UNC5D: variants seen among roughly 807,000 people sequenced by gnomAD.
UNC5D encodes netrin receptor UNC5D.
In UNC5D, 39 loss-of-function variants were observed where a neutral mutation model predicts 105.4. That is an observed-to-expected ratio of 0.37 (90% CI 0.29 to 0.48). The LOEUF is 0.48. Ranked by LOEUF, UNC5D falls within the 20% of genes least tolerant of loss-of-function variation. The pLI is 0.98. For missense variants in UNC5D, 991 were observed against 1,202.4 expected (o/e 0.82, Z 2.60); for synonymous variants, 452 against 450.4 (o/e 1.00, Z -0.04).
In UNC5D at chr8:35,452,543, C is replaced by CATGAGCCACTGCACCTGGCCCTATA. The variant is rs1808226502; in HGVS notation, c.104-96749_104-96748insATGAGCCACTGCACCTGGCCCTATA. 2.0e-5 allele frequency among the ~76,000 whole-genome samples: 3 copies of CATGAGCCACTGCACCTGGCCCTATA among 152,220 alleles called. No individual in the cohort carries two copies. In the East Asian group the frequency reaches 5.8e-4, roughly 30 times the overall value. On this transcript the variant is annotated intron_variant, in intron 1 of 16. Transcript: ENST00000404895. ...CCTCCCAAAGTGCTGGGATTACAGG[C>CATGAGCCACTGCACCTGGCCCTATA]GTGAGCCACCGTGCCCGGCCTAATA...
chr8:35,473,379 C>T (rs1218753770), intron 1 of UNC5D, among the ~76,000 whole-genome samples: 1 of 152,204 alleles, frequency 6.6e-6, no homozygotes, highest in African/African-American at 2.4e-5. Context: ...GCCATATCCA[C>T]AGCTTTAAGA....
intron 1 of UNC5D, among the ~76,000 whole-genome samples, chr8:35,540,734 A>C (rs1375510300): frequency 2.0e-5 from 3 of 151,694 alleles, no homozygotes; most frequent in Non-Finnish European, 4.4e-5. Flanking sequence ...CTTAGATCCA[A>C]TTTGAGAGGC....
chr8:35,649,397 A>G (rs1586335051), intron 4 of UNC5D, among the ~76,000 whole-genome samples: 2 of 152,178 alleles, frequency 1.3e-5, no homozygotes, highest in Non-Finnish European at 2.9e-5. Flanking sequence ...GGACTGTGAG[A>G]TAGCCTGGCT....
At chr8:35,420,190 C>T (rs1420396925) in intron 1 of UNC5D, among the ~76,000 whole-genome samples, 2 of 151,976 alleles carry the variant, frequency 1.3e-5, no homozygotes, top group African/African-American at 4.8e-5. Context: ...ATTCAAGCAA[C>T]TATTTTTTTG....
chr8:35,729,500 T>C (rs970618456), intron 10 of UNC5D, among the ~76,000 whole-genome samples: 1 of 152,224 alleles, frequency 6.6e-6, no homozygotes, highest in African/African-American at 2.4e-5. Flanking sequence ...AGACTGCATG[T>C]CTCTGTCATC....
intron 1 of UNC5D, among the ~76,000 whole-genome samples, chr8:35,391,139 G>A (rs1803746701): frequency 6.6e-6 from 1 of 152,178 alleles, no homozygotes. Context: ...TGACAAAAAC[G>A]TTTGCAAAGA....
chr8:35,731,399 C>CCAAAAAAAAA (rs1280974908), intron 11 of UNC5D, among the ~76,000 whole-genome samples: 1 of 30,662 alleles, frequency 3.3e-5, no homozygotes, highest in African/African-American at 6.4e-5. Flanking sequence ...ACTCTGTCTC[C>CCAAAAAAAAA]AAAAAAAAAA....
chr8:35,680,553 C>A (rs1424088865), intron 4 of UNC5D, among the ~76,000 whole-genome samples: 1 of 152,158 alleles, frequency 6.6e-6, no homozygotes, highest in Non-Finnish European at 1.5e-5. Flanking sequence ...AACCTTATAT[C>A]TATCAAATTT....
At chr8:35,781,623 CTG>C (rs1802506527) in intron 16 of UNC5D, among the ~76,000 whole-genome samples, 2 of 152,176 alleles carry the variant, frequency 1.3e-5, no homozygotes, top group African/African-American at 4.8e-5. Context: ...TAATTTGAGA[CTG>C]TAAAATCCTA....
At chr8:35,729,905 A>T (rs10503983) in intron 10 of UNC5D, among the ~76,000 whole-genome samples, 12,546 of 152,256 alleles carry the variant, frequency 0.082, 1,466 homozygotes, top group African/African-American at 0.26. Flanking sequence ...ACAAATGTGA[A>T]TCATAAATGA....
intron 1 of UNC5D, among the ~76,000 whole-genome samples, chr8:35,355,688 T>C (rs1801512295): frequency 6.6e-6 from 1 of 152,064 alleles, no homozygotes; most frequent in African/African-American, 2.4e-5. Context: ...CAATCGCCAA[T>C]GTGGTAATAT....
At chr8:35,240,609 A>G (rs1342799536) in intron 1 of UNC5D, among the ~76,000 whole-genome samples, 2 of 152,262 alleles carry the variant, frequency 1.3e-5, no homozygotes, top group Admixed American at 1.3e-4. Context: ...AAGCTTGCCC[A>G]AGGCCATGGA....
intron 3 of UNC5D, among the ~76,000 whole-genome samples, chr8:35,577,020 A>C (rs1437003588): frequency 1.3e-5 from 2 of 152,104 alleles, no homozygotes; most frequent in Non-Finnish European, 2.9e-5. Flanking sequence ...AGATGTTAAC[A>C]TTTTACTATG....
chr8:35,678,196 G>T (rs1254685198), intron 4 of UNC5D, among the ~76,000 whole-genome samples: 2 of 152,122 alleles, frequency 1.3e-5, no homozygotes, highest in African/African-American at 2.4e-5. Flanking sequence ...ACATTGACAA[G>T]GGAGGATGTG....
chr8:35,478,884 G>C (rs750742135), intron 1 of UNC5D, among the ~76,000 whole-genome samples: 12 of 152,102 alleles, frequency 7.9e-5, no homozygotes, highest in African/African-American at 2.9e-4. Flanking sequence ...TAGCTATTGA[G>C]TTTATTTAAA....
At chr8:35,624,011 C>T (rs1821533486) in intron 4 of UNC5D, among the ~76,000 whole-genome samples, 1 of 152,090 alleles carries the variant, frequency 6.6e-6, no homozygotes, top group Non-Finnish European at 1.5e-5. Flanking sequence ...ACCCGGGAGG[C>T]GGAGCTTGCG....
intron 1 of UNC5D, among the ~76,000 whole-genome samples, chr8:35,305,130 G>T (rs2950894): frequency 0.87 from 132,280 of 152,100 alleles, 57,798 homozygotes; most frequent in East Asian, 1. Flanking sequence ...TTATGATAGC[G>T]GTCATCAAAT....
At chr8:35,776,934 A>C (rs1802274626) in intron 16 of UNC5D, among the ~76,000 whole-genome samples, 1 of 152,172 alleles carries the variant, frequency 6.6e-6, no homozygotes, top group Non-Finnish European at 1.5e-5. Flanking sequence ...ACCGGCCTGC[A>C]CTTAGGGAGA....
At chr8:35,380,805 T>G (rs979324351) in intron 1 of UNC5D, among the ~76,000 whole-genome samples, 3 of 152,224 alleles carry the variant, frequency 2.0e-5, no homozygotes, top group African/African-American at 7.2e-5. Context: ...ATGTACGCAT[T>G]GGAATCATCA....
Sources: gnomAD v4.1 joint callset for allele counts (sites outside exome capture counted in the v4.1 genomes callset) on GRCh38, gnomAD v4.1.1 for gene constraint, MANE v1.5 for transcripts, NCBI Gene and HGNC (gene_info 2026-07-23, HGNC 2026-07-21) for gene names.